Variants in BCL11B observed in about 807,000 individuals in gnomAD.
BCL11B encodes B-cell lymphoma/leukemia 11B.
Under a neutral mutation model 49.9 loss-of-function variants are expected in BCL11B, and 8 were observed. The ratio of observed to expected loss-of-function variants is 0.16; its 90% CI spans 0.09 to 0.29. The LOEUF is 0.29. Among genes scored for constraint, BCL11B ranks in the 10% least tolerant of loss-of-function variants. BCL11B has a pLI of 1.00. For missense variants in BCL11B, 1,006 were observed against 1,351.0 expected (o/e 0.74, Z 4.00); for synonymous variants, 739 against 637.4 (o/e 1.16, Z -2.40).
rs1886326709 is a variant in BCL11B at position 99,172,605 on chromosome 14, T to C, written c.*1546A>G. On this transcript the variant is annotated 3_prime_UTR_variant, in exon 4 of 4. Coordinates refer to ENST00000357195, the MANE Select transcript of BCL11B (RefSeq NM_138576.4). ...AAAACTGTCCTATAAATTATTATTT[T>C]ATTTTGTTCTTTATAGTGCCAGTAT... 4.7e-6 allele frequency: 1 copy of C among 210,786 alleles called. No individual in the cohort carries two copies. Among genetic ancestry groups the C allele is most frequent in the Non-Finnish European group, 9.6e-6 (1 of 103,696 alleles). 13.1% of individuals were successfully genotyped at this position (210,786 alleles called of 1,614,324 possible).
chr14:99,208,413 AT>A (rs1887595370), intron 3 of BCL11B, among the ~76,000 whole-genome samples: 1 of 152,132 alleles, frequency 6.6e-6, no homozygotes, highest in Admixed American at 6.5e-5. Flanking sequence ...TAATCACCAC[AT>A]TATTTATTTG....
rs539265912 is a variant in BCL11B at position 99,265,475 on chromosome 14, C to T, written c.58+5686G>A. Among the ~76,000 whole-genome samples the T allele has an allele frequency of 5.9e-5, 9 of 152,222 alleles. No individual in the cohort carries two copies. In the South Asian group the frequency reaches 1.5e-3, roughly 25 times the overall value. ...GAACCTGACCCCCTCCCATTCCCTC[C>T]CCCATATATTTTTTCCTGCATTGTC... On this transcript the variant is annotated intron_variant, in intron 1 of 3. Transcript: ENST00000357195.
chr14:99,191,199 A>C (rs1207662245), intron 3 of BCL11B, among the ~76,000 whole-genome samples: 1 of 78,548 alleles, frequency 1.3e-5, no homozygotes, highest in Non-Finnish European at 2.7e-5. Context: ...GTGATTGTCA[A>C]GACTGAAGGG....
intron 3 of BCL11B, among the ~76,000 whole-genome samples, chr14:99,214,121 G>A (rs149549494): frequency 1.0e-3 from 153 of 152,210 alleles, no homozygotes; most frequent in African/African-American, 3.6e-3. Flanking sequence ...TTCCCTTCTG[G>A]CACAGTGAGT....
In BCL11B at chr14:99,169,718, A is replaced by C. The variant is rs1787192917; in HGVS notation, c.*4433T>G. 4.5e-6 allele frequency: 1 copy of C among 222,616 alleles called. No individual in the cohort carries two copies. The highest frequency in any genetic ancestry group is 1.8e-4 in the South Asian group (1 of 5,456). The allele number at this position is 222,616 out of a possible 1,614,324, so 13.8% of individuals were successfully genotyped here. A position where few individuals can be genotyped will look rare whatever the true frequency, so the allele number is the denominator to read the frequency against. The stretch of plus-strand genomic sequence containing the variant: ...GGACTTTGCTTTGCAGGGCTGAGTT[A>C]CAAGGAGCACCAAAATCACGGGTTT... On this transcript the variant is annotated 3_prime_UTR_variant, in exon 4 of 4. Transcript: ENST00000357195.
chr14:99,209,468 C>T (rs1174504852), intron 3 of BCL11B, among the ~76,000 whole-genome samples: 1 of 150,468 alleles, frequency 6.6e-6, no homozygotes, highest in African/African-American at 2.5e-5. Context: ...GAGGTCAGTG[C>T]CAGGGCCAGC....
At position 99,231,668 on chromosome 14, in the gene BCL11B, G is replaced by T; in HGVS notation, c.428-111C>A. 1 of 1,173,580 alleles carries T rather than the reference G, an allele frequency of 8.5e-7. No individual in the cohort carries two copies. The highest frequency in any genetic ancestry group is 1.2e-6 in the Non-Finnish European group (1 of 832,658). 72.7% of individuals were successfully genotyped at this position (1,173,580 alleles called of 1,614,324 possible). A position where few individuals can be genotyped will look rare whatever the true frequency, so the allele number is the denominator to read the frequency against. ...GGCTCTGCTCAGGCCACCCTTCGGG[G>T]GTGGGAGGCCCCCGGGGTGCCAGGC... On this transcript the variant is annotated intron_variant, in intron 2 of 3. Coordinates refer to ENST00000357195, the MANE Select transcript of BCL11B (RefSeq NM_138576.4). The surrounding 1 kb of genome is among the most constrained non-coding windows in gnomAD (Gnocchi z 8.1).
intron 3 of BCL11B, among the ~76,000 whole-genome samples, chr14:99,210,678 G>C (rs1378783989): frequency 1.4e-4 from 22 of 152,196 alleles, no homozygotes; most frequent in Admixed American, 1.4e-3. Flanking sequence ...CTCTAGGGAA[G>C]AGAGAGATTG....
At chr14:99,245,888 G>C (rs943589047) in intron 2 of BCL11B, among the ~76,000 whole-genome samples, 1 of 152,094 alleles carries the variant, frequency 6.6e-6, no homozygotes, top group African/African-American at 2.4e-5. Context: ...CCAGGGAAGG[G>C]GGCTGGCCCG....
In BCL11B at chr14:99,248,739, G is replaced by A. The variant is rs1167620383; in HGVS notation, c.427+8732C>T. Among the ~76,000 whole-genome samples the A allele has an allele frequency of 6.6e-6, 1 of 152,182 alleles. No individual in the cohort carries two copies. Among genetic ancestry groups the A allele is most frequent in the East Asian group, 1.9e-4 (1 of 5,178 alleles). On this transcript the variant is annotated intron_variant, in intron 2 of 3. Transcript: ENST00000357195. This position sits in a 1 kb window ranked among gnomAD's most constrained non-coding sequence, Gnocchi z 4.7. ...ATGTGAAAAATGAGGAAAGTTGGGG[G>A]AACTACTGGGTGGGAAAGGAATTGA...
At position 99,242,186 on chromosome 14, in the gene BCL11B, G is replaced by C. The variant is rs947460134; in HGVS notation, c.428-10629C>G. On this transcript the variant is annotated intron_variant, in intron 2 of 3. Coordinates refer to ENST00000357195, the MANE Select transcript of BCL11B (RefSeq NM_138576.4). The surrounding 1 kb of genome is among the most constrained non-coding windows in gnomAD (Gnocchi z 4.4). ...AAATACATGCATGTGTCAAAAGAAGGCAGCACTAATCTGCTGGTTAATTAA... is the reference window on the plus strand; with the variant it reads ...AAATACATGCATGTGTCAAAAGAAGCCAGCACTAATCTGCTGGTTAATTAA... Among the ~76,000 whole-genome samples, 4 of 152,196 alleles carry C rather than the reference G, an allele frequency of 2.6e-5. No individual in the cohort carries two copies. Among genetic ancestry groups the C allele is most frequent in the African/African-American group, 9.7e-5 (4 of 41,438 alleles).
intron 3 of BCL11B, among the ~76,000 whole-genome samples, chr14:99,176,603 C>T (rs1196123120): frequency 1.3e-5 from 2 of 152,266 alleles, no homozygotes; most frequent in Non-Finnish European, 2.9e-5. Flanking sequence ...CTCGAGGATG[C>T]TCCACACCCG....
chr14:99,211,184 A>G (rs1304462688), intron 3 of BCL11B, among the ~76,000 whole-genome samples: 1 of 152,200 alleles, frequency 6.6e-6, no homozygotes, highest in Non-Finnish European at 1.5e-5. Flanking sequence ...CATCCAGTTA[A>G]GAAGGCAAAG....
Position 99,257,404 on chromosome 14 carries a change from T to C in BCL11B, c.427+67A>G. 1 of 1,527,530 alleles carries C rather than the reference T, an allele frequency of 6.5e-7. No individual in the cohort carries two copies. The highest frequency in any genetic ancestry group is 1.3e-5 in the South Asian group (1 of 78,134). 94.6% of individuals were successfully genotyped at this position (1,527,530 alleles called of 1,614,324 possible). ...TGGGCCTTCCCCTGCACCAGCACAC[T>C]CAGGCAGAGGGCATGGGACCCAGGA... On this transcript the variant is annotated intron_variant, in intron 2 of 3. Transcript: ENST00000357195. This position sits in a 1 kb window ranked among gnomAD's most constrained non-coding sequence, Gnocchi z 6.2.
At chr14:99,249,073 T>C (rs553468649) in intron 2 of BCL11B, among the ~76,000 whole-genome samples, 3 of 152,238 alleles carry the variant, frequency 2.0e-5, no homozygotes, top group East Asian at 1.9e-4. Flanking sequence ...GGTGGGTGCC[T>C]ACTGTCTTGG....
chr14:99,252,290 T>C (rs1007588324), intron 2 of BCL11B, among the ~76,000 whole-genome samples: 1 of 152,190 alleles, frequency 6.6e-6, no homozygotes, highest in Admixed American at 6.5e-5. Context: ...AAATAACAAC[T>C]CTAAATAGAT....
chr14:99,203,504 G>A (rs1230927338), intron 3 of BCL11B, among the ~76,000 whole-genome samples: 1 of 152,224 alleles, frequency 6.6e-6, no homozygotes, highest in Non-Finnish European at 1.5e-5. Flanking sequence ...CAGTGTCAGT[G>A]AGGATGAAGA....
At chr14:99,229,674 G>C (rs944059045) in intron 3 of BCL11B, among the ~76,000 whole-genome samples, 1 of 152,208 alleles carries the variant, frequency 6.6e-6, no homozygotes, top group African/African-American at 2.4e-5. Flanking sequence ...CCAACAGAGG[G>C]TTAAGCAAAG....
At chr14:99,193,558 G>A (rs532413815) in intron 3 of BCL11B, among the ~76,000 whole-genome samples, 10 of 152,200 alleles carry the variant, frequency 6.6e-5, no homozygotes, top group Non-Finnish European at 1.0e-4. Context: ...CTGCAGAGGA[G>A]AGACCCTCCT....
Sources: gnomAD v4.1 joint callset for allele counts (sites outside exome capture counted in the v4.1 genomes callset) on GRCh38, gnomAD v4.1.1 for gene constraint, Gnocchi (gnomAD v3.1) non-coding constraint, MANE v1.5 for transcripts, NCBI Gene and HGNC (gene_info 2026-07-23, HGNC 2026-07-21) for gene names.